Variants in FBXL18 observed in about 807,000 individuals in gnomAD.
FBXL18 encodes F-box and leucine rich repeat protein 18.
Under a neutral mutation model 46.0 loss-of-function variants are expected in FBXL18, and 36 were observed. The ratio of observed to expected loss-of-function variants is 0.78; its 90% CI spans 0.60 to 1.03. The LOEUF is 1.03. Ranked by LOEUF, FBXL18 falls within the 50% of genes least tolerant of loss-of-function variation. The pLI is 0.00. For synonymous variants in FBXL18, 557 were observed against 465.3 expected (o/e 1.20, Z -2.54); for missense variants, 977 against 1,004.1 (o/e 0.97, Z 0.36).
chr7:5,463,728 A>ATTTTTTTTTTTTTTTTTTT (rs552002078), intron 4 of FBXL18, among the ~76,000 whole-genome samples: 2 of 53,034 alleles, frequency 3.8e-5, no homozygotes, highest in Non-Finnish European at 6.7e-5. Flanking sequence ...TTATTTATTT[A>ATTTTTTTTTTTTTTTTTTT]TTTTTTTTTT....
chr7:5,470,988 G>A (rs561727202), downstream of FBXL18, among the ~76,000 whole-genome samples: 95 of 152,202 alleles, frequency 6.2e-4, no homozygotes, highest in Non-Finnish European at 8.1e-4. Context: ...GAGGCCCAGC[G>A]TGCAGCATCT....
intron 3 of FBXL18, among the ~76,000 whole-genome samples, chr7:5,500,207 G>A (rs1260422482): frequency 6.6e-6 from 1 of 152,126 alleles, no homozygotes; most frequent in African/African-American, 2.4e-5. Context: ...ACCTGGCAGG[G>A]TCCTGAGACG....
Position 5,500,734 on chromosome 7 carries a change from G to C in FBXL18, c.1535C>G (p.Pro512Arg), listed in dbSNP as rs1784216868. Residue 512 changes from proline to arginine, a missense_variant, in exon 3 of 5, where the codon CCC (proline) becomes CGC (arginine). By Grantham distance (103) the Pro-to-Arg change is moderately radical. Coordinates refer to ENST00000382368, the MANE Select transcript of FBXL18 (RefSeq NM_024963.6). ...NEPAIRNSLP[P>R]CSRAQSVGDS... ...CCCGACACTCTGTGCGCGGCTGCAG[G>C]GTGGGAGCGAGTTGCGGATGGCGGG... 1.9e-6 allele frequency: 3 copies of C among 1,612,364 alleles called. No individual in the cohort carries two copies. The highest frequency in any genetic ancestry group is 1.7e-5 in the Admixed American group (1 of 59,936).
intron 1 of FBXL18, among the ~76,000 whole-genome samples, chr7:5,512,988 C>G (rs1428271693): frequency 1.3e-5 from 2 of 152,168 alleles, no homozygotes. Flanking sequence ...CAGATACCAA[C>G]CCAGGTGCCC....
intron 4 of FBXL18, chr7:5,489,801 C>T: frequency 3.4e-6 from 1 of 296,768 alleles, no homozygotes; most frequent in African/African-American, 2.3e-5. Flanking sequence ...AAGAAAAATA[C>T]AAAAATTAGC....
chr7:5,505,885 A>T (rs1467851721), intron 1 of FBXL18, among the ~76,000 whole-genome samples: 1 of 152,204 alleles, frequency 6.6e-6, no homozygotes, highest in African/African-American at 2.4e-5. Flanking sequence ...TTGTTGTGAG[A>T]CAGAAGTTTC....
intron 1 of FBXL18, among the ~76,000 whole-genome samples, chr7:5,509,702 A>G (rs1462523498): frequency 1.6e-3 from 165 of 103,972 alleles, no homozygotes; most frequent in Non-Finnish European, 2.1e-3. Flanking sequence ...ATTCCATCTC[A>G]AAAAAAAAAA....
chr7:5,467,459 T>A (rs977672786), intron 4 of FBXL18, among the ~76,000 whole-genome samples: 6 of 150,744 alleles, frequency 4.0e-5, no homozygotes, highest in African/African-American at 1.5e-4. Flanking sequence ...GGCAGGAGAA[T>A]CACTTGAACC....
intron 4 of FBXL18, among the ~76,000 whole-genome samples, chr7:5,457,029 G>A (rs892886405): frequency 6.6e-6 from 1 of 152,238 alleles, no homozygotes; most frequent in African/African-American, 2.4e-5. Context: ...ATCCCAAAGT[G>A]CTGGGATTAC....
chr7:5,495,862 G>A (rs757011786), intron 3 of FBXL18: 2 of 480,676 alleles, frequency 4.2e-6, no homozygotes, highest in Non-Finnish European at 8.6e-6. Context: ...TTCTGAACAG[G>A]CAGTACCCAG....
In FBXL18 at chr7:5,455,854, A is replaced by C. The variant is rs920331224; in HGVS notation, c.2001-8011T>G. Among the ~76,000 whole-genome samples the C allele has an allele frequency of 6.6e-6, 1 of 150,878 alleles. No homozygotes were observed. The highest frequency in any genetic ancestry group is 2.5e-5 in the African/African-American group (1 of 40,778). On this transcript the variant is annotated intron_variant and NMD_transcript_variant, in intron 4 of 6. Coordinates refer to the FBXL18 transcript ENST00000415009. This position sits in a 1 kb window ranked among gnomAD's most constrained non-coding sequence, Gnocchi z 4.6. The stretch of plus-strand genomic sequence containing the variant: ...ATCACACTCTTCTCCATATGACCCC[A>C]GCCAATGAGCGGGCGAGACCTGGCC...
chr7:5,471,493 G>A (rs1783426582), downstream of FBXL18, among the ~76,000 whole-genome samples: 1 of 152,020 alleles, frequency 6.6e-6, no homozygotes, highest in Non-Finnish European at 1.5e-5. Context: ...AGCCAGGATG[G>A]TCTCAATCTC....
chr7:5,467,011 G>A (rs955845478), intron 4 of FBXL18, among the ~76,000 whole-genome samples: 1 of 152,092 alleles, frequency 6.6e-6, no homozygotes, highest in Non-Finnish European at 1.5e-5. Flanking sequence ...GACGTCAGGA[G>A]TTCAAGACCA....
At chr7:5,506,201 C>G (rs1784390267) in intron 1 of FBXL18, among the ~76,000 whole-genome samples, 1 of 152,050 alleles carries the variant, frequency 6.6e-6, no homozygotes. Flanking sequence ...GCTCCAGCCT[C>G]CCAAAGGGCT....
intron 4 of FBXL18, among the ~76,000 whole-genome samples, chr7:5,482,684 C>G (rs955968195): frequency 6.6e-6 from 1 of 152,140 alleles, no homozygotes; most frequent in Non-Finnish European, 1.5e-5. Flanking sequence ...TGAAGCAGAA[C>G]AGGGACCCCT....
rs1784603863 is a variant in FBXL18 at position 5,513,773 on chromosome 7, C to G, written c.-99G>C. The G allele has an allele frequency of 2.7e-6, 4 of 1,488,622 alleles. No individual in the cohort carries two copies. In the South Asian group the frequency reaches 3.7e-5, roughly 14 times the overall value. The allele number at this position is 1,488,622 out of a possible 1,614,324, so 92.2% of individuals were successfully genotyped here. A position where few individuals can be genotyped will look rare whatever the true frequency, so the allele number is the denominator to read the frequency against. ...CGAAGCCGGCGCGTCCACCGCTCAA[C>G]CGAGACCCCGGCAAGGAGCGGGCTC... On this transcript the variant is annotated 5_prime_UTR_variant, in exon 1 of 5. Coordinates refer to ENST00000382368, the MANE Select transcript of FBXL18 (RefSeq NM_024963.6).
At chr7:5,512,595 ACT>A (rs375408052) in intron 1 of FBXL18, among the ~76,000 whole-genome samples, 6 of 152,152 alleles carry the variant, frequency 3.9e-5, no homozygotes, top group African/African-American at 7.2e-5. Flanking sequence ...ACAGAGCGAG[ACT>A]CTGTCTCAAA....
intron 4 of FBXL18, among the ~76,000 whole-genome samples, chr7:5,484,009 A>C (rs912942998): frequency 6.6e-6 from 1 of 152,182 alleles, no homozygotes; most frequent in Non-Finnish European, 1.5e-5. Flanking sequence ...TAAAGACGCC[A>C]TCACACACCT....
chr7:5,467,479 G>C (rs1783360347), intron 4 of FBXL18, among the ~76,000 whole-genome samples: 1 of 151,766 alleles, frequency 6.6e-6, no homozygotes, highest in South Asian at 2.1e-4. Context: ...CTGGGAGGCG[G>C]AGGTTGCAGT....
Sources: allele counts gnomAD v4.1 joint callset (sites outside exome capture counted in the v4.1 genomes callset), GRCh38; gene constraint gnomAD v4.1.1; non-coding constraint Gnocchi (gnomAD v3.1); transcripts MANE v1.5; gene names NCBI Gene and HGNC (gene_info 2026-07-23, HGNC 2026-07-21).